ADGRL2: variants seen among roughly 807,000 people sequenced by gnomAD.
ADGRL2 encodes adhesion G protein-coupled receptor L2, also known as calcium-independent alpha-latrotoxin receptor 2.
Under a neutral mutation model 157.4 loss-of-function variants are expected in ADGRL2, and 44 were observed. That is an observed-to-expected ratio of 0.28 (90% confidence interval 0.22 to 0.36). The LOEUF is 0.36. Ranked by LOEUF, ADGRL2 falls within the 10% of genes least tolerant of loss-of-function variation. The pLI is 1.00. For missense variants in ADGRL2, 1,510 were observed against 1,768.9 expected (o/e 0.85, Z 2.63); for synonymous variants, 585 against 624.7 (o/e 0.94, Z 0.95).
rs896421816 is a variant in ADGRL2 at position 81,951,006 on chromosome 1, C to T, written c.1505-12C>T. 6.4e-7 allele frequency: 1 copy of T among 1,569,060 alleles called. No homozygotes were observed. The highest frequency in any genetic ancestry group is 8.8e-7 in the Non-Finnish European group (1 of 1,139,998). ...GTTTCAATTTCACTGTTGTTTTCTA[C>T]ATCTGTTGTAGGAACTGCCTCATAT... is the stretch of plus-strand genomic sequence containing the variant. On this transcript the variant is annotated splice_polypyrimidine_tract_variant and intron_variant, in intron 7 of 23. Coordinates refer to ENST00000686636, the MANE Select transcript of ADGRL2 (RefSeq NM_001366006.2).
chr1:81,343,484 A>G (rs943656340), intron 1 of ADGRL2, among the ~76,000 whole-genome samples: 16 of 152,224 alleles, frequency 1.1e-4, no homozygotes, highest in African/African-American at 2.9e-4. Context: ...CACAGAATTC[A>G]GAACTATCAT....
At chr1:81,931,060 A>T (rs767882024) in intron 3 of ADGRL2, among the ~76,000 whole-genome samples, 5 of 152,154 alleles carry the variant, frequency 3.3e-5, no homozygotes, top group African/African-American at 9.6e-5. Context: ...GAGGCAGGAG[A>T]ATTGCTTGAC....
chr1:81,528,714 A>G (rs1557430960), intron 2 of ADGRL2, among the ~76,000 whole-genome samples: 1 of 151,886 alleles, frequency 6.6e-6, no homozygotes, highest in Non-Finnish European at 1.5e-5. Flanking sequence ...GGTAGTCTGA[A>G]CACCTGGAAT....
chr1:81,416,991 T>C (rs576077727), intron 1 of ADGRL2, among the ~76,000 whole-genome samples: 1 of 152,332 alleles, frequency 6.6e-6, no homozygotes, highest in East Asian at 1.9e-4. Flanking sequence ...CTCAGGCACG[T>C]AGTTCTCAGA....
chr1:81,353,721 G>A (rs1663078063), intron 1 of ADGRL2, among the ~76,000 whole-genome samples: 1 of 152,150 alleles, frequency 6.6e-6, no homozygotes, highest in Non-Finnish European at 1.5e-5. Context: ...GAAAACTGAA[G>A]AGGGAGAAAA....
chr1:81,712,336 G>C (rs1243940080), intron 1 of ADGRL2, among the ~76,000 whole-genome samples: 1 of 152,168 alleles, frequency 6.6e-6, no homozygotes, highest in African/African-American at 2.4e-5. Context: ...AGTCCCAATA[G>C]AAATAAATTC....
At chr1:81,528,258 T>C (rs1049396450) in intron 2 of ADGRL2, among the ~76,000 whole-genome samples, 1 of 151,786 alleles carries the variant, frequency 6.6e-6, no homozygotes, top group African/African-American at 2.4e-5. Context: ...ACTAAGAGAG[T>C]TGGAGAAAAG....
At chr1:81,407,184 T>C (rs1046596393) in intron 1 of ADGRL2, among the ~76,000 whole-genome samples, 1 of 152,180 alleles carries the variant, frequency 6.6e-6, no homozygotes, top group Non-Finnish European at 1.5e-5. Context: ...TTGTTTGACA[T>C]GTGGAGATAT....
intron 2 of ADGRL2, among the ~76,000 whole-genome samples, chr1:81,845,575 C>G (rs1229349024): frequency 6.6e-6 from 1 of 151,804 alleles, no homozygotes; most frequent in Admixed American, 6.6e-5. Context: ...CTTCTGGGGA[C>G]AAAAACATTT....
At chr1:81,794,774 A>G (rs1179205255) in intron 2 of ADGRL2, among the ~76,000 whole-genome samples, 2 of 152,226 alleles carry the variant, frequency 1.3e-5, no homozygotes, top group Admixed American at 6.5e-5. Context: ...AAGAGTTTCA[A>G]TAAGTTGAAA....
At chr1:81,437,062 C>T (rs2077422644) in intron 1 of ADGRL2, among the ~76,000 whole-genome samples, 1 of 152,172 alleles carries the variant, frequency 6.6e-6, no homozygotes, top group South Asian at 2.1e-4. Context: ...TAACTAATCC[C>T]TACAGTCTGG....
intron 1 of ADGRL2, among the ~76,000 whole-genome samples, chr1:81,828,024 T>C (rs1227493427): frequency 6.6e-6 from 1 of 152,268 alleles, no homozygotes; most frequent in Non-Finnish European, 1.5e-5. Flanking sequence ...TATTAGTTCA[T>C]TATGTGACTG....
chr1:81,547,787 T>C (rs2080053486), intron 2 of ADGRL2, among the ~76,000 whole-genome samples: 1 of 152,194 alleles, frequency 6.6e-6, no homozygotes, highest in South Asian at 2.1e-4. Flanking sequence ...GGCTATGTGC[T>C]TGGGAGGTAG....
intron 1 of ADGRL2, among the ~76,000 whole-genome samples, chr1:81,346,783 TG>T (rs1662512369): frequency 6.6e-6 from 1 of 152,182 alleles, no homozygotes; most frequent in Non-Finnish European, 1.5e-5. Flanking sequence ...AAATTTCTAT[TG>T]TTTGAGCAGA....
intron 2 of ADGRL2, among the ~76,000 whole-genome samples, chr1:81,769,195 T>G (rs2086256830): frequency 6.6e-6 from 1 of 152,228 alleles, no homozygotes; most frequent in South Asian, 2.1e-4. Context: ...CATTGTTTTT[T>G]CATTTCTTTA....
chr1:81,767,863 A>T lies in ADGRL2; in HGVS notation c.-101+6011A>T, dbSNP rs1174543084. On this transcript the variant is annotated intron_variant, in intron 2 of 20. Coordinates refer to the ADGRL2 transcript ENST00000359929. ...AAGTGAGATCCTGTCTCAAAAAAAAAAAAAAGAAAAAAAAAAAAGAAATTG... is the reference window on the plus strand; with the variant it reads ...AAGTGAGATCCTGTCTCAAAAAAAATAAAAAGAAAAAAAAAAAAGAAATTG... Among the ~76,000 whole-genome samples, 3 of 144,062 alleles carry T rather than the reference A, an allele frequency of 2.1e-5. No individual in the cohort carries two copies. The Admixed American group carries it at 2.1e-4, about 10-fold the overall frequency. The allele number at this position is 144,062 out of a possible 152,430, so 94.5% of individuals were successfully genotyped here.
chr1:81,853,737 A>G (rs951717673), intron 2 of ADGRL2, among the ~76,000 whole-genome samples: 2 of 152,102 alleles, frequency 1.3e-5, no homozygotes. Flanking sequence ...TTACTATAAC[A>G]TGATATAAGG....
At chr1:81,821,114 ATACTGTAG>A (rs1355193907) in intron 1 of ADGRL2, among the ~76,000 whole-genome samples, 1 of 152,208 alleles carries the variant, frequency 6.6e-6, no homozygotes, top group African/African-American at 2.4e-5. Context: ...ATGGTTGTCA[ATACTGTAG>A]TTGTGAATTT....
At chr1:81,501,090 A>G (rs1032125937) in intron 2 of ADGRL2, among the ~76,000 whole-genome samples, 1 of 152,224 alleles carries the variant, frequency 6.6e-6, no homozygotes, top group Admixed American at 6.5e-5. Context: ...GAAAGTACTC[A>G]TTAGTACCAT....
Sources: allele counts gnomAD v4.1 joint callset (sites outside exome capture counted in the v4.1 genomes callset), GRCh38; gene constraint gnomAD v4.1.1; transcripts MANE v1.5; gene names NCBI Gene and HGNC (gene_info 2026-07-23, HGNC 2026-07-21).